The following MFHAS1 variants were observed in gnomAD, a reference collection of about 807,000 sequenced individuals.
The protein encoded by MFHAS1 is malignant fibrous histiocytoma-amplified sequence 1.
In MFHAS1, 50 loss-of-function variants were observed where a neutral mutation model predicts 70.4. That is an observed-to-expected ratio of 0.71 (90% confidence interval 0.57 to 0.90). The LOEUF (loss-of-function observed/expected upper bound fraction) is 0.90. MFHAS1 is among the 40% of genes least tolerant of loss of function. The pLI, the probability that MFHAS1 is intolerant of heterozygous loss-of-function variation, is 0.00. For missense variants in MFHAS1, 1,795 were observed against 1,347.6 expected (o/e 1.33, Z -5.20); for synonymous variants, 952 against 620.0 (o/e 1.54, Z -7.96).
At chr8:8,839,673 A>G (rs1010953363) in intron 1 of MFHAS1, among the ~76,000 whole-genome samples, 1 of 152,262 alleles carries the variant, frequency 6.6e-6, no homozygotes, top group Admixed American at 6.5e-5. Context: ...TCAATAAAAG[A>G]GAGCAGTATT....
chr8:8,814,355 G>C (rs546899484), intron 1 of MFHAS1, among the ~76,000 whole-genome samples: 1 of 152,316 alleles, frequency 6.6e-6, no homozygotes, highest in African/African-American at 2.4e-5. Context: ...TGCTGTACAG[G>C]TTTGTAGCCC....
intron 1 of MFHAS1, among the ~76,000 whole-genome samples, chr8:8,889,676 G>A (rs1038811876): frequency 3.9e-5 from 6 of 152,188 alleles, no homozygotes; most frequent in Non-Finnish European, 8.8e-5. Context: ...CCTTTGAGAC[G>A]TGTCTAATGA....
chr8:8,829,939 A>T (rs1290395338), intron 1 of MFHAS1, among the ~76,000 whole-genome samples: 1 of 152,216 alleles, frequency 6.6e-6, no homozygotes, highest in Non-Finnish European at 1.5e-5. Flanking sequence ...AAGATTCTTC[A>T]CTGTTCAACT....
intron 1 of MFHAS1, among the ~76,000 whole-genome samples, chr8:8,850,635 G>A (rs974934808): frequency 3.3e-5 from 5 of 152,044 alleles, no homozygotes; most frequent in African/African-American, 7.2e-5. Context: ...AAGGTCAGGA[G>A]ACCAGCCTGG....
At chr8:8,867,651 G>T (rs535491615) in intron 1 of MFHAS1, among the ~76,000 whole-genome samples, 1 of 151,242 alleles carries the variant, frequency 6.6e-6, no homozygotes. Flanking sequence ...TCCGCCTCCC[G>T]GGTTCATGCC....
chr8:8,868,648 C>T (rs985238199), intron 1 of MFHAS1, among the ~76,000 whole-genome samples: 2 of 152,164 alleles, frequency 1.3e-5, no homozygotes, highest in African/African-American at 4.8e-5. Flanking sequence ...CAATGAAATA[C>T]ATGGCTTGGG....
rs550919824 is a variant in MFHAS1, at chr8:8,804,519, C to G, written c.2999-7028G>C. Among the ~76,000 whole-genome samples the G allele has an allele frequency of 2.0e-4, 30 of 152,298 alleles. 1 individual carries two copies. Among genetic ancestry groups the G allele is most frequent in the Middle Eastern group, 6.8e-3 (2 of 294 alleles). Reference sequence around the variant, plus strand: ...GAGTACAATCGGTAGGGTAAATAAACCAGGCCAGTTGGGGCCTCTCAGAGA... The same window carrying G: ...GAGTACAATCGGTAGGGTAAATAAAGCAGGCCAGTTGGGGCCTCTCAGAGA... On this transcript the variant is annotated intron_variant, in intron 1 of 2. Coordinates refer to ENST00000276282, the MANE Select transcript of MFHAS1 (RefSeq NM_004225.3).
intron 1 of MFHAS1, among the ~76,000 whole-genome samples, chr8:8,834,954 T>A (rs1009863175): frequency 2.0e-5 from 3 of 152,212 alleles, no homozygotes; most frequent in African/African-American, 7.2e-5. Flanking sequence ...CTAATGGAAC[T>A]GGTAGGTATC....
chr8:8,868,463 C>A (rs894586710), intron 1 of MFHAS1, among the ~76,000 whole-genome samples: 1 of 151,242 alleles, frequency 6.6e-6, no homozygotes, highest in African/African-American at 2.4e-5. Context: ...CCTAGTGCCA[C>A]TCGGCTAATA....
At chr8:8,798,551 G>A (rs1805983049) in intron 1 of MFHAS1, among the ~76,000 whole-genome samples, 1 of 151,874 alleles carries the variant, frequency 6.6e-6, no homozygotes, top group South Asian at 2.1e-4. Context: ...TTCCCAGGCT[G>A]GTCTCAAACT....
chr8:8,875,747 C>T (rs1284703018), intron 1 of MFHAS1, among the ~76,000 whole-genome samples: 1 of 152,066 alleles, frequency 6.6e-6, no homozygotes, highest in African/African-American at 2.4e-5. Context: ...CGTGCCACCA[C>T]GCTCAGCTAA....
chr8:8,890,869 G>A lies in MFHAS1; in HGVS notation c.2190C>T (p.Leu730=), dbSNP rs1355394731. 2 of 1,614,020 alleles carry A rather than the reference G, an allele frequency of 1.2e-6. No individual in the cohort carries two copies. The highest frequency in any genetic ancestry group is 1.3e-5 in the African/African-American group (1 of 74,944). Residue 730 remains leucine, a synonymous_variant, in exon 1 of 3, where the codon CTC becomes CTT. Coordinates refer to ENST00000276282, the MANE Select transcript of MFHAS1 (RefSeq NM_004225.3). The part of the protein sequence containing the change: ...PALKEHVFHN[L]TRLIDILNVF... ...CATTGAGGATGTCGATGAGGCGGGTGAGGTTGTGGAAGACGTGCTCCTTGA... is the reference window on the plus strand; with the variant it reads ...CATTGAGGATGTCGATGAGGCGGGTAAGGTTGTGGAAGACGTGCTCCTTGA...
intron 1 of MFHAS1, among the ~76,000 whole-genome samples, chr8:8,804,203 C>A (rs1484607416): frequency 6.6e-6 from 1 of 152,130 alleles, no homozygotes; most frequent in Non-Finnish European, 1.5e-5. Context: ...GCTACAAAAA[C>A]TTACACCATC....
chr8:8,891,284 T>G lies in MFHAS1; in HGVS notation c.1775A>C (p.His592Pro). The change falls in exon 1 of 3, where the codon CAC becomes CCC. Residue 592 changes from histidine to proline, a missense_variant. His to Pro is a moderately conservative substitution (Grantham distance 77, BLOSUM62 -2). Coordinates refer to ENST00000276282, the MANE Select transcript of MFHAS1 (RefSeq NM_004225.3). The surrounding 1 kb of genome is among the most constrained non-coding windows in gnomAD (Gnocchi z 5.4). ...GTCCGAAACGCCATAGTAGGCTGCG[T>G]GGGGGCTGGCAGAGCGCAGCTCGAA... ...RDFELRSASP[H>P]AAYYGVSDKN... is the part of the protein sequence containing the mutation. 6.2e-7 allele frequency: 1 copy of G among 1,611,888 alleles called. No homozygotes were observed. The highest frequency in any genetic ancestry group is 8.5e-7 in the Non-Finnish European group (1 of 1,180,016).
intron 1 of MFHAS1, among the ~76,000 whole-genome samples, chr8:8,830,049 C>T (rs138978476): frequency 2.8e-4 from 42 of 152,214 alleles, no homozygotes; most frequent in African/African-American, 7.9e-4. Flanking sequence ...CAGGGGAGGT[C>T]GAAGCTGCTA....
At chr8:8,813,015 C>G (rs1158488838) in intron 1 of MFHAS1, among the ~76,000 whole-genome samples, 1 of 152,176 alleles carries the variant, frequency 6.6e-6, no homozygotes, top group African/African-American at 2.4e-5. Flanking sequence ...GATCTGTCCA[C>G]TTCAGCCTCC....
chr8:8,816,642 G>A lies in MFHAS1; in HGVS notation c.2999-19151C>T, dbSNP rs529042539. ...TCTATGAGATGAAATTCAAGCTGAA[G>A]CTCTACGCAAACATGTAGAAAGTTC... On this transcript the variant is annotated intron_variant, in intron 1 of 2. Transcript: ENST00000276282. Among the ~76,000 whole-genome samples the A allele has an allele frequency of 7.9e-5, 12 of 152,284 alleles. No homozygotes were observed. The East Asian group carries it at 1.4e-3, about 17-fold the overall frequency.
At chr8:8,817,517 C>T (rs570953529) in intron 1 of MFHAS1, among the ~76,000 whole-genome samples, 1 of 152,226 alleles carries the variant, frequency 6.6e-6, no homozygotes, top group Non-Finnish European at 1.5e-5. Context: ...GCCCTGTATC[C>T]TTGGCCACAG....
rs781322985 is a variant in MFHAS1 at position 8,797,500 on chromosome 8, G to T, written c.2999-9C>A. ...CTGACTCAGCAACTCCCCTGTAGGAGGAGAGAGAAAAACGTGTTAGGGAGA... is the reference window on the plus strand; with the variant it reads ...CTGACTCAGCAACTCCCCTGTAGGATGAGAGAGAAAAACGTGTTAGGGAGA... On this transcript the variant is annotated splice_polypyrimidine_tract_variant and intron_variant, in intron 1 of 2. Transcript: ENST00000276282. 2 of 1,611,972 alleles carry T rather than the reference G, an allele frequency of 1.2e-6. No individual in the cohort carries two copies. The highest frequency in any genetic ancestry group is 2.2e-5 in the South Asian group (2 of 90,926).
Sources: allele counts gnomAD v4.1 joint callset (sites outside exome capture counted in the v4.1 genomes callset), GRCh38; gene constraint gnomAD v4.1.1; non-coding constraint Gnocchi (gnomAD v3.1); transcripts MANE v1.5; gene names NCBI Gene and HGNC (gene_info 2026-07-23, HGNC 2026-07-21).